Variants in CDH18 observed in about 807,000 individuals in gnomAD.
CDH18 encodes the protein cadherin 18, also known as cadherin-18.
In CDH18, 31 loss-of-function variants were observed where a neutral mutation model predicts 67.9. That is an observed-to-expected ratio of 0.46 (90% CI 0.34 to 0.62). The LOEUF is 0.62. CDH18 is among the 20% of genes least tolerant of loss of function. CDH18 has a pLI of 0.01. For synonymous variants in CDH18, 362 were observed against 347.2 expected, an observed-to-expected ratio of 1.04 and a Z score of -0.48; for missense variants, 890 against 975.5, an observed-to-expected ratio of 0.91 and a Z score of 1.17.
intron 7 of CDH18, among the ~76,000 whole-genome samples, chr5:19,575,934 G>C (rs940733631): frequency 6.6e-6 from 1 of 152,028 alleles, no homozygotes; most frequent in Admixed American, 6.6e-5. Context: ...TGAAACTCTA[G>C]GTTTAATGTC....
At chr5:20,322,378 G>A (rs564898950) in intron 1 of CDH18, among the ~76,000 whole-genome samples, 51 of 152,058 alleles carry the variant, frequency 3.4e-4, no homozygotes, top group Non-Finnish European at 6.6e-4. Flanking sequence ...GACATAAATT[G>A]CTCACATGTC....
At chr5:20,363,718 A>AT (rs71647400) in intron 1 of CDH18, among the ~76,000 whole-genome samples, 89,843 of 147,538 alleles carry the variant, frequency 0.61, 28,977 homozygotes, top group Middle Eastern at 0.77. Context: ...AGCAAAGTTA[A>AT]TTTTTTTTTT....
chr5:19,833,721 T>A (rs1196345991), intron 3 of CDH18, among the ~76,000 whole-genome samples: 1 of 152,202 alleles, frequency 6.6e-6, no homozygotes, highest in Non-Finnish European at 1.5e-5. Context: ...TTGAGAGTTT[T>A]TAACATGAAC....
intron 1 of CDH18, among the ~76,000 whole-genome samples, chr5:19,987,270 A>ACACACACG (rs996332633): frequency 6.6e-6 from 1 of 151,866 alleles, no homozygotes; most frequent in African/African-American, 2.4e-5. Flanking sequence ...ACACACACAC[A>ACACACACG]CACACACACA....
At chr5:20,085,548 A>G (rs1187390671) in intron 2 of CDH18, among the ~76,000 whole-genome samples, 1 of 152,176 alleles carries the variant, frequency 6.6e-6, no homozygotes, top group Non-Finnish European at 1.5e-5. Flanking sequence ...GACTTACTGT[A>G]TTAGTCTGTT....
At chr5:19,507,754 G>T (rs573434221) in intron 10 of CDH18, among the ~76,000 whole-genome samples, 28 of 152,208 alleles carry the variant, frequency 1.8e-4, no homozygotes, top group African/African-American at 6.7e-4. Flanking sequence ...GGGGCCTGTT[G>T]TGGGTTGGGA....
intron 2 of CDH18, among the ~76,000 whole-genome samples, chr5:20,230,700 C>T (rs1741998963): frequency 6.6e-6 from 1 of 152,024 alleles, no homozygotes; most frequent in South Asian, 2.1e-4. Context: ...CTATGTTCTA[C>T]CTCACCCTTC....
At chr5:19,645,999 T>C (rs942499351) in intron 5 of CDH18, among the ~76,000 whole-genome samples, 2 of 152,120 alleles carry the variant, frequency 1.3e-5, no homozygotes, top group Admixed American at 6.5e-5. Flanking sequence ...AAAGAATAAA[T>C]AGAAGAAAAC....
At chr5:19,896,673 A>C (rs7720630) in intron 2 of CDH18, among the ~76,000 whole-genome samples, 135,540 of 152,232 alleles carry the variant, frequency 0.89, 60,452 homozygotes, top group Non-Finnish European at 0.92. Context: ...TTTTAAGCCA[A>C]TGAATTGACG....
intron 2 of CDH18, among the ~76,000 whole-genome samples, chr5:19,934,116 T>A (rs1793995425): frequency 6.7e-6 from 1 of 149,634 alleles, no homozygotes; most frequent in Non-Finnish European, 1.5e-5. Context: ...CAACAGGTGG[T>A]AAAAATGTGT....
At chr5:19,799,918 C>T (rs995275404) in intron 3 of CDH18, among the ~76,000 whole-genome samples, 2 of 152,036 alleles carry the variant, frequency 1.3e-5, no homozygotes, top group African/African-American at 4.8e-5. Flanking sequence ...TTTTTCTGTT[C>T]AAGATGGAAG....
At chr5:20,003,931 AAAAAC>A (rs796970263) in intron 2 of CDH18, among the ~76,000 whole-genome samples, 48 of 152,324 alleles carry the variant, frequency 3.2e-4, no homozygotes, top group African/African-American at 1.0e-3. Context: ...CAAACAAACA[AAAAAC>A]AAAAGACATA....
At chr5:20,056,699 T>TG (rs1212894940) in intron 2 of CDH18, among the ~76,000 whole-genome samples, 3 of 141,540 alleles carry the variant, frequency 2.1e-5, no homozygotes, top group Non-Finnish European at 4.6e-5. Flanking sequence ...TTTTTTTTTT[T>TG]TTTTGAGACG....
chr5:20,144,566 T>C (rs1470854517), intron 2 of CDH18, among the ~76,000 whole-genome samples: 1 of 152,112 alleles, frequency 6.6e-6, no homozygotes. Flanking sequence ...AATATTTAGA[T>C]GGGATTTTAT....
intron 1 of CDH18, among the ~76,000 whole-genome samples, chr5:19,984,308 G>A (rs1799351726): frequency 1.3e-5 from 2 of 151,822 alleles, no homozygotes; most frequent in South Asian, 4.1e-4. Flanking sequence ...AATGGTTACT[G>A]TTTAAGAGTA....
intron 10 of CDH18, among the ~76,000 whole-genome samples, chr5:19,516,919 T>A (rs1052481083): frequency 9.2e-5 from 14 of 152,254 alleles, no homozygotes; most frequent in African/African-American, 1.9e-4. Flanking sequence ...CTGGGTTTTT[T>A]ATAAATAAAA....
At chr5:20,419,462 GTTTTTTTTTT>G (rs202130030) in intron 1 of CDH18, among the ~76,000 whole-genome samples, 10 of 75,648 alleles carry the variant, frequency 1.3e-4, no homozygotes, top group South Asian at 7.8e-4. Flanking sequence ...ATGGGACTCT[GTTTTTTTTTT>G]TTTTTTTTTT....
At chr5:19,913,603 G>A (rs1263835479) in intron 2 of CDH18, among the ~76,000 whole-genome samples, 1 of 151,998 alleles carries the variant, frequency 6.6e-6, no homozygotes, top group Non-Finnish European at 1.5e-5. Flanking sequence ...TATATCACGA[G>A]GTTAGGTGCA....
intron 1 of CDH18, among the ~76,000 whole-genome samples, chr5:20,536,249 C>T (rs1438768105): frequency 2.0e-5 from 3 of 151,840 alleles, no homozygotes; most frequent in Non-Finnish European, 4.4e-5. Context: ...AATTTTTTAT[C>T]GATTATAAAA....
Sources: allele counts gnomAD v4.1 joint callset (sites outside exome capture counted in the v4.1 genomes callset), GRCh38; gene constraint gnomAD v4.1.1; transcripts MANE v1.5; gene names NCBI Gene and HGNC (gene_info 2026-07-23, HGNC 2026-07-21).